The following USP39 variants were observed in gnomAD, a reference collection of about 807,000 sequenced individuals.
The protein encoded by USP39 is ubiquitin specific peptidase 39, also known as ubiquitin carboxyl-terminal hydrolase 39.
USP39 carries 38 observed loss-of-function variants against 66.4 expected under a neutral mutation model. The ratio of observed to expected loss-of-function variants is 0.57; its 90% CI spans 0.44 to 0.75. The LOEUF (loss-of-function observed/expected upper bound fraction) is 0.75. Ranked by LOEUF, USP39 falls within the 30% of genes least tolerant of loss-of-function variation. USP39 has a pLI of 0.00. For synonymous variants in USP39, 303 were observed against 274.6 expected (o/e 1.10, Z -1.02); for missense variants, 608 against 714.4 (o/e 0.85, Z 1.70).
chr2:85,629,664 T>C (rs1253729973), intron 5 of USP39, among the ~76,000 whole-genome samples: 1 of 150,750 alleles, frequency 6.6e-6, no homozygotes, highest in Admixed American at 6.6e-5. Flanking sequence ...GCCCTGCTAA[T>C]TTTTGTATTT....
chr2:85,634,083 C>T (rs1004764186), intron 6 of USP39, among the ~76,000 whole-genome samples: 23 of 150,810 alleles, frequency 1.5e-4, no homozygotes, highest in Admixed American at 5.3e-4. Flanking sequence ...GTGATCCGTC[C>T]GCCTCGGCCT....
At chr2:85,611,868 G>A (rs1383385812), upstream of USP39, 23 of 1,597,526 alleles carry the variant, frequency 1.4e-5, no homozygotes, top group Non-Finnish European at 1.9e-5. Flanking sequence ...GGCGCAGGGC[G>A]GGGCGGTACC....
chr2:85,606,172 G>A (rs774842304), intron 1 of USP39, among the ~76,000 whole-genome samples: 1 of 152,184 alleles, frequency 6.6e-6, no homozygotes, highest in Non-Finnish European at 1.5e-5. Flanking sequence ...TTGTGTGTGT[G>A]TGCGCGTTTT....
chr2:85,605,156 T>C (rs926232410), intron 1 of USP39, among the ~76,000 whole-genome samples: 1 of 152,068 alleles, frequency 6.6e-6, no homozygotes, highest in Non-Finnish European at 1.5e-5. Context: ...GAGATGAGAT[T>C]TCCAGTGCTG....
chr2:85,623,038 A>C (rs1674581829), intron 3 of USP39, among the ~76,000 whole-genome samples: 1 of 152,198 alleles, frequency 6.6e-6, no homozygotes, highest in Admixed American at 6.5e-5. Flanking sequence ...ATGTGCAAAA[A>C]TCAATGTTAG....
intron 3 of USP39, 40 bp downstream of exon 3, chr2:85,621,619 A>C: frequency 7.0e-7 from 1 of 1,425,796 alleles, no homozygotes; most frequent in South Asian, 1.2e-5. Context: ...TCTGCTCCAG[A>C]GGGACTTTTT....
In USP39 at chr2:85,623,338, A is replaced by C. The variant is rs141674982; in HGVS notation, c.434-308A>C. ...GGAAACTATGTATGAATATATAGTTATATGTATTATATATAGATATATATA... is the reference window on the plus strand; with the variant it reads ...GGAAACTATGTATGAATATATAGTTCTATGTATTATATATAGATATATATA... On this transcript the variant is annotated intron_variant, in intron 3 of 12. Transcript: ENST00000323701. Among the ~76,000 whole-genome samples, 107 of 149,614 alleles carry C rather than the reference A, an allele frequency of 7.2e-4. No individual in the cohort carries two copies. The East Asian group carries it at 0.018, about 25-fold the overall frequency.
chr2:85,604,459 G>A (rs1057277100), intron 1 of USP39, among the ~76,000 whole-genome samples: 1 of 152,092 alleles, frequency 6.6e-6, no homozygotes, highest in African/African-American at 2.4e-5. Flanking sequence ...TGATCCGCTC[G>A]CCTTGGCCTC....
chr2:85,636,009 A>G (rs1209970074), intron 6 of USP39, 44 bp from the exon 7 acceptor site: 2 of 1,592,984 alleles, frequency 1.3e-6, no homozygotes, highest in South Asian at 2.2e-5. Context: ...GTTAACTCTA[A>G]TGCCACTTAG....
upstream of USP39, chr2:85,611,999 G>T: frequency 6.7e-7 from 1 of 1,502,894 alleles, no homozygotes; most frequent in South Asian, 1.2e-5. Context: ...AGCCGGGGAC[G>T]CAGAGTCGCC....
Position 85,636,109 on chromosome 2 carries a change from G to T in USP39, c.1006G>T (p.Gly336Cys). 6.2e-7 allele frequency: 1 copy of T among 1,612,942 alleles called. No individual in the cohort carries two copies. The highest frequency in any genetic ancestry group is 2.2e-5 in the East Asian group (1 of 44,830). ...GAATGCTCTGCACTCAGCTCTGGGG[G>T]GCACAAAGAAGAAAAAGAAGAGTAA... ...FLNALHSALG[G>C]TKKKKKTIVT... Residue 336 changes from glycine (G) to cysteine (C), a missense_variant, in exon 7 of 13, where the codon GGC becomes TGC. Physicochemically the swap from Gly to Cys is radical, Grantham distance 159. Around this residue, in one of 6 missense-constraint regions of USP39, gnomAD observed 72 missense variants for 60.1 expected, o/e 1.20. Coordinates refer to ENST00000323701, the MANE Select transcript of USP39 (RefSeq NM_006590.4).
At chr2:85,642,823 A>G (rs1676340951) in intron 10 of USP39, among the ~76,000 whole-genome samples, 1 of 152,142 alleles carries the variant, frequency 6.6e-6, no homozygotes, top group South Asian at 2.1e-4. Context: ...ACTTATGGTG[A>G]TTAGGCACCC....
At chr2:85,645,962 G>T (rs1403482096) in intron 11 of USP39, 1 of 152,194 alleles carries the variant, frequency 6.6e-6, no homozygotes, top group African/African-American at 2.4e-5. Context: ...ACCCTGATAT[G>T]CAGCCAAGGT....
chr2:85,603,750 A>C (rs1162492251), intron 1 of USP39, among the ~76,000 whole-genome samples: 3 of 151,290 alleles, frequency 2.0e-5, no homozygotes, highest in Non-Finnish European at 4.4e-5. Context: ...CCGCCACCTC[A>C]CCCGGCTAAT....
At chr2:85,635,266 T>TAGTCATTATCTGGCTGGGCGC (rs1290412079) in intron 6 of USP39, among the ~76,000 whole-genome samples, 2 of 152,120 alleles carry the variant, frequency 1.3e-5, no homozygotes, top group African/African-American at 4.8e-5. Context: ...GAAGAGAAAG[T>TAGTCATTATCTGGCTGGGCGC]AGTCATTATC....
At chr2:85,641,946 A>G (rs1259298275) in intron 10 of USP39, among the ~76,000 whole-genome samples, 1 of 150,026 alleles carries the variant, frequency 6.7e-6, no homozygotes, top group Non-Finnish European at 1.5e-5. Flanking sequence ...AAGAAAGAAA[A>G]TAGTGTCAGT....
At chr2:85,611,464 G>A, upstream of USP39, 12 of 1,546,360 alleles carry the variant, frequency 7.8e-6, no homozygotes, top group Non-Finnish European at 1.0e-5. Flanking sequence ...CTCTGACAGC[G>A]ATGCTTAACT....
chr2:85,606,802 G>A (rs1203161909), intron 1 of USP39: 3 of 143,176 alleles, frequency 2.1e-5, no homozygotes, highest in African/African-American at 7.8e-5. Context: ...TTTTTTTTGA[G>A]ATGGAGTCTC....
chr2:85,619,099 A>G, intron 1 of USP39, 121 bp from the exon 2 acceptor site: 2 of 1,156,732 alleles, frequency 1.7e-6, no homozygotes, highest in Non-Finnish European at 2.5e-6. Flanking sequence ...TATTGTTGCC[A>G]CCCAAACAAT....
Sources: allele counts gnomAD v4.1 joint callset (sites outside exome capture counted in the v4.1 genomes callset), GRCh38; gene constraint gnomAD v4.1.1; regional missense constraint gnomAD v4.1.1; transcripts MANE v1.5; gene names NCBI Gene and HGNC (gene_info 2026-07-23, HGNC 2026-07-21).